GALNT18: variants seen among roughly 807,000 people sequenced by gnomAD.
GALNT18 encodes polypeptide N-acetylgalactosaminyltransferase 18, also known as GalNAc-transferase 18.
A neutral mutation model predicts 69.5 loss-of-function variants in GALNT18; 44 were observed. The ratio of observed to expected loss-of-function variants is 0.63; its 90% CI spans 0.50 to 0.81. The LOEUF (loss-of-function observed/expected upper bound fraction) is 0.81, where lower values mean the gene tolerates loss of function less well. Ranked by LOEUF, GALNT18 falls within the 40% of genes least tolerant of loss-of-function variation. The pLI is 0.00. For missense variants in GALNT18, 715 were observed against 810.0 expected, an observed-to-expected ratio of 0.88 and a Z score of 1.42; for synonymous variants, 364 against 318.2, an observed-to-expected ratio of 1.14 and a Z score of -1.53.
chr11:11,365,373 C>T (rs1850741279), intron 6 of GALNT18, among the ~76,000 whole-genome samples: 1 of 152,210 alleles, frequency 6.6e-6, no homozygotes, highest in African/African-American at 2.4e-5. Context: ...ATATGTACCA[C>T]ATTTTCTTTA....
At chr11:11,429,447 C>T (rs768738889) in intron 3 of GALNT18, among the ~76,000 whole-genome samples, 11 of 152,214 alleles carry the variant, frequency 7.2e-5, no homozygotes, top group Non-Finnish European at 1.2e-4. Flanking sequence ...ACTCCAAATC[C>T]GTATTCCCAC....
chr11:11,553,202 A>T (rs1311090296), intron 1 of GALNT18, among the ~76,000 whole-genome samples: 2 of 152,158 alleles, frequency 1.3e-5, no homozygotes, highest in African/African-American at 2.4e-5. Flanking sequence ...ACCACTCTGA[A>T]GTTTGGCCTA....
chr11:11,514,167 CT>C (rs548926421), intron 1 of GALNT18, among the ~76,000 whole-genome samples: 3 of 152,340 alleles, frequency 2.0e-5, no homozygotes, highest in African/African-American at 7.2e-5. Flanking sequence ...GAAACTGAGG[CT>C]CAGAAACATG....
chr11:11,313,075 A>T (rs1275984561), intron 9 of GALNT18, among the ~76,000 whole-genome samples: 1 of 152,238 alleles, frequency 6.6e-6, no homozygotes, highest in Non-Finnish European at 1.5e-5. Context: ...AGACTGCCCT[A>T]AAGAAGCAGG....
intron 3 of GALNT18, among the ~76,000 whole-genome samples, chr11:11,429,252 G>A (rs556737557): frequency 5.9e-5 from 9 of 152,096 alleles, no homozygotes; most frequent in African/African-American, 7.2e-5. Context: ...CTCTGCCCAC[G>A]GAGACTGTGC....
At chr11:11,569,897 G>A (rs749225879) in intron 1 of GALNT18, among the ~76,000 whole-genome samples, 25 of 152,130 alleles carry the variant, frequency 1.6e-4, no homozygotes, top group Non-Finnish European at 3.4e-4. Flanking sequence ...CATGGAGACA[G>A]GAAAAGCTCA....
rs1856496597 is a variant in GALNT18, at chr11:11,480,255, TC to T, written c.236-31320del. Among the ~76,000 whole-genome samples the T allele has an allele frequency of 6.6e-6, 1 of 151,972 alleles. No individual in the cohort carries two copies. The highest frequency in any genetic ancestry group is 2.4e-5 in the African/African-American group (1 of 41,364). Reference sequence around the variant, plus strand: ...TTCTTTCTTTCTTCCTTCCTTCCTCTCTCTCTCTCTTTCTCTCTCTCTCGCC... The same window carrying T: ...TTCTTTCTTTCTTCCTTCCTTCCTCTTCTCTCTCTTTCTCTCTCTCTCGCC... On this transcript the variant is annotated intron_variant, in intron 1 of 10. Coordinates refer to ENST00000227756, the MANE Select transcript of GALNT18 (RefSeq NM_198516.3). The surrounding 1 kb of genome is among the most constrained non-coding windows in gnomAD (Gnocchi z 4.6).
intron 1 of GALNT18, among the ~76,000 whole-genome samples, chr11:11,504,495 G>A (rs184098975): frequency 6.6e-6 from 1 of 152,230 alleles, no homozygotes; most frequent in Non-Finnish European, 1.5e-5. Context: ...GATGGCTCAT[G>A]TGTGTAATCC....
At chr11:11,428,892 G>A (rs1296974651) in intron 3 of GALNT18, among the ~76,000 whole-genome samples, 2 of 152,228 alleles carry the variant, frequency 1.3e-5, no homozygotes, top group Non-Finnish European at 2.9e-5. Context: ...CATCGTGTGT[G>A]TATGGGTGTG....
chr11:11,424,412 G>A (rs1388354722), intron 3 of GALNT18, among the ~76,000 whole-genome samples: 1 of 152,164 alleles, frequency 6.6e-6, no homozygotes, highest in African/African-American at 2.4e-5. Context: ...TGGCTATGTG[G>A]CCTTGAGCCT....
rs1441031689 is a variant in GALNT18 at position 11,540,810 on chromosome 11, C to T, written c.235+80549G>A. On this transcript the variant is annotated intron_variant, in intron 1 of 10. Coordinates refer to ENST00000227756, the MANE Select transcript of GALNT18 (RefSeq NM_198516.3). The surrounding 1 kb of genome is among the most constrained non-coding windows in gnomAD (Gnocchi z 4.6). ...GTGTCAGACACCAGGTCTTCAAGGA[C>T]CCAGACAGAAACAGGTAATTGGCAG... Among the ~76,000 whole-genome samples, 4 of 152,152 alleles carry T rather than the reference C, an allele frequency of 2.6e-5. No individual in the cohort carries two copies. Among genetic ancestry groups the T allele is most frequent in the East Asian group, 1.9e-4 (1 of 5,198 alleles).
intron 3 of GALNT18, among the ~76,000 whole-genome samples, chr11:11,419,151 A>G (rs1854933927): frequency 6.6e-6 from 1 of 152,104 alleles, no homozygotes; most frequent in South Asian, 2.1e-4. Flanking sequence ...TCAAGTCTCT[A>G]CTCTAGCAGC....
intron 3 of GALNT18, among the ~76,000 whole-genome samples, chr11:11,398,888 G>A (rs1292814147): frequency 4.6e-5 from 7 of 152,200 alleles, no homozygotes; most frequent in Admixed American, 2.0e-4. Flanking sequence ...AATGGACAGA[G>A]GGAGGTGCTT....
chr11:11,484,906 C>A (rs1224233829), intron 1 of GALNT18, among the ~76,000 whole-genome samples: 3 of 152,158 alleles, frequency 2.0e-5, no homozygotes, highest in Admixed American at 2.0e-4. Context: ...TGGGAGCAGC[C>A]AGGGCCAGGC....
intron 10 of GALNT18, among the ~76,000 whole-genome samples, chr11:11,275,861 C>T (rs1276462397): frequency 6.6e-6 from 1 of 152,182 alleles, no homozygotes; most frequent in African/African-American, 2.4e-5. Context: ...GGTGTTATTT[C>T]TGAGGGCTCT....
rs1850207127 is a variant in GALNT18 at position 11,341,540 on chromosome 11, T to C, written c.1093-536A>G. ...CGAGGCTCTGGGTTCTGACTGAATC[T>C]GAGGGAGAGCGCTGCAAAGAAGGAA... is the stretch of plus-strand genomic sequence containing the variant. On this transcript the variant is annotated intron_variant, in intron 6 of 10. Coordinates refer to ENST00000227756, the MANE Select transcript of GALNT18 (RefSeq NM_198516.3). This position sits in a 1 kb window ranked among gnomAD's most constrained non-coding sequence, Gnocchi z 6.3. Among the ~76,000 whole-genome samples the C allele has an allele frequency of 6.6e-6, 1 of 152,292 alleles. No individual in the cohort carries two copies. The highest frequency in any genetic ancestry group is 1.9e-4 in the East Asian group (1 of 5,160).
chr11:11,405,578 C>T (rs1462512904), intron 3 of GALNT18, among the ~76,000 whole-genome samples: 1 of 152,148 alleles, frequency 6.6e-6, no homozygotes, highest in Non-Finnish European at 1.5e-5. Context: ...CAAGAGGGCT[C>T]TTTGTCAGGG....
At chr11:11,539,499 G>A (rs1857862144) in intron 1 of GALNT18, among the ~76,000 whole-genome samples, 1 of 152,140 alleles carries the variant, frequency 6.6e-6, no homozygotes, top group African/African-American at 2.4e-5. Context: ...AAAACCACAG[G>A]CAAGGCAACT....
At chr11:11,287,887 C>T in intron 10 of GALNT18, among the ~76,000 whole-genome samples, 1 of 152,312 alleles carries the variant, frequency 6.6e-6, no homozygotes, top group East Asian at 1.9e-4. Context: ...AACCACTCCA[C>T]TGCCCGACTA....
Sources: allele counts gnomAD v4.1 joint callset (sites outside exome capture counted in the v4.1 genomes callset), GRCh38; gene constraint gnomAD v4.1.1; non-coding constraint Gnocchi (gnomAD v3.1); transcripts MANE v1.5; gene names NCBI Gene and HGNC (gene_info 2026-07-23, HGNC 2026-07-21).